FAM240B: variants seen among roughly 807,000 people sequenced by gnomAD.
The protein encoded by FAM240B is protein FAM240B.
intron 2 of FAM240B, among the ~76,000 whole-genome samples, 164 bp downstream of exon 2, chr9:38,703,693 C>T (rs1225341617): frequency 9.2e-5 from 14 of 152,294 alleles, no homozygotes; most frequent in Non-Finnish European, 5.9e-5. Context: ...CATGAGACCT[C>T]GCATTTCCTC....
At chr9:38,700,568 T>A (rs553808008) in intron 2 of FAM240B, among the ~76,000 whole-genome samples, 1 of 152,378 alleles carries the variant, frequency 6.6e-6, no homozygotes, top group African/African-American at 2.4e-5. Flanking sequence ...AAAGAGACTG[T>A]AGTCAATGAT....
chr9:38,712,180 C>T (rs1284076384), intron 1 of FAM240B, among the ~76,000 whole-genome samples: 1 of 152,158 alleles, frequency 6.6e-6, no homozygotes, highest in East Asian at 1.9e-4. Context: ...AAAGCTTATA[C>T]TGGACGTGTC....
chr9:38,710,735 G>A (rs1486645600), intron 1 of FAM240B, among the ~76,000 whole-genome samples: 2 of 152,178 alleles, frequency 1.3e-5, no homozygotes, highest in African/African-American at 4.8e-5. Flanking sequence ...CTGGCTGGTG[G>A]GCTGCAGGTC....
chr9:38,702,367 C>T (rs62539027), intron 2 of FAM240B, among the ~76,000 whole-genome samples: 8,376 of 152,312 alleles, frequency 0.055, 321 homozygotes, highest in Non-Finnish European at 0.086. Context: ...GAGTTTTACT[C>T]ATGTGAATTA....
chr9:38,702,640 G>A (rs17535921), intron 2 of FAM240B, among the ~76,000 whole-genome samples: 24,682 of 152,126 alleles, frequency 0.16, 2,167 homozygotes, highest in South Asian at 0.29. Flanking sequence ...CATATGACAC[G>A]TCTTCCCACA....
chr9:38,713,607 G>T (rs1180949250), intron 1 of FAM240B, among the ~76,000 whole-genome samples: 1 of 151,594 alleles, frequency 6.6e-6, no homozygotes, highest in Non-Finnish European at 1.5e-5. Context: ...TTACAGGATT[G>T]CATCAGTGTT....
In FAM240B at chr9:38,710,954, A is replaced by G. The variant is rs1280844211; in HGVS notation, c.-3-6952T>C. Among the ~76,000 whole-genome samples the G allele has an allele frequency of 5.3e-5, 8 of 152,274 alleles. No individual in the cohort carries two copies. The East Asian group carries it at 9.6e-4, about 18-fold the overall frequency. The stretch of plus-strand genomic sequence containing the variant: ...AGATTTAAACCAAACCCAACTCCCA[A>G]GCCCGTGTCATCACCAGCAAACCAC... On this transcript the variant is annotated intron_variant, in intron 1 of 2. Coordinates refer to ENST00000637493, the MANE Select transcript of FAM240B (RefSeq NM_001394922.1).
chr9:38,710,211 G>T (rs1053747835), intron 1 of FAM240B, among the ~76,000 whole-genome samples: 8 of 152,150 alleles, frequency 5.3e-5, no homozygotes, highest in Non-Finnish European at 1.5e-5. Context: ...CTCGTGATCC[G>T]CCTGCCTCGG....
At chr9:38,698,521 C>T (rs1396191901) in intron 2 of FAM240B, among the ~76,000 whole-genome samples, 1 of 152,192 alleles carries the variant, frequency 6.6e-6, no homozygotes, top group East Asian at 1.9e-4. Context: ...ATCAGTCAGA[C>T]TTGTAAACAT....
chr9:38,719,497 G>A (rs1196847114), intron 1 of FAM240B, among the ~76,000 whole-genome samples: 1 of 152,132 alleles, frequency 6.6e-6, no homozygotes, highest in African/African-American at 2.4e-5. Flanking sequence ...GAGTCTATCT[G>A]ATGAGGGGCT....
At chr9:38,694,962 TTTTTAAAAGAAACCCA>T (rs1821052171) in intron 2 of FAM240B, 93 bp from the exon 3 acceptor site, 1 of 397,596 alleles carries the variant, frequency 2.5e-6, no homozygotes, top group South Asian at 1.3e-4. Flanking sequence ...CTCCAAGATA[TTTTTAAAAGAAACCCA>T]TTGTGTGTTC....
At chr9:38,713,434 C>T (rs78862151) in intron 1 of FAM240B, among the ~76,000 whole-genome samples, 1 of 144,758 alleles carries the variant, frequency 6.9e-6, no homozygotes, top group African/African-American at 2.6e-5. Flanking sequence ...GCCGAGATCA[C>T]GCCACTGCAC....
intron 1 of FAM240B, among the ~76,000 whole-genome samples, chr9:38,718,978 T>G (rs1193340697): frequency 6.6e-6 from 1 of 152,200 alleles, no homozygotes; most frequent in African/African-American, 2.4e-5. Context: ...GATACGTAAG[T>G]CTTCTCATCT....
chr9:38,715,859 A>G (rs1490585879), intron 1 of FAM240B, among the ~76,000 whole-genome samples: 3 of 152,144 alleles, frequency 2.0e-5, no homozygotes, highest in Non-Finnish European at 4.4e-5. Flanking sequence ...CACTGGGTGC[A>G]CATAGAGTCG....
At chr9:38,717,689 A>G (rs998114882) in intron 1 of FAM240B, among the ~76,000 whole-genome samples, 3 of 151,590 alleles carry the variant, frequency 2.0e-5, no homozygotes, top group Admixed American at 6.6e-5. Context: ...TCACCGTGTT[A>G]GCCAGGATGG....
intron 2 of FAM240B, among the ~76,000 whole-genome samples, chr9:38,700,681 A>C (rs879850981): frequency 6.6e-6 from 1 of 152,200 alleles, no homozygotes; most frequent in Non-Finnish European, 1.5e-5. Flanking sequence ...GAATTGCCTC[A>C]ATCAGTTGTT....
At chr9:38,705,074 A>G in intron 1 of FAM240B, among the ~76,000 whole-genome samples, 1 of 152,318 alleles carries the variant, frequency 6.6e-6, no homozygotes, top group South Asian at 2.1e-4. Context: ...CACTTTCCAG[A>G]TCTTAGGAGC....
chr9:38,709,354 C>T (rs1184414191), intron 1 of FAM240B, among the ~76,000 whole-genome samples: 1 of 152,174 alleles, frequency 6.6e-6, no homozygotes, highest in Non-Finnish European at 1.5e-5. Context: ...GTATGGCCCT[C>T]TTTGAACAGA....
intron 2 of FAM240B, among the ~76,000 whole-genome samples, chr9:38,702,730 C>T (rs1821145369): frequency 6.6e-6 from 1 of 152,082 alleles, no homozygotes; most frequent in South Asian, 2.1e-4. Context: ...GACCACATTA[C>T]CCTTCTCCCA....
Sources: gnomAD v4.1 joint callset for allele counts (sites outside exome capture counted in the v4.1 genomes callset) on GRCh38, gnomAD v4.1.1 for gene constraint, MANE v1.5 for transcripts, NCBI Gene and HGNC (gene_info 2026-07-23, HGNC 2026-07-21) for gene names.